Variants in MED15 observed in about 807,000 individuals in gnomAD.
MED15 encodes mediator complex subunit 15, also known as mediator of RNA polymerase II transcription subunit 15.
MED15 carries 41 observed loss-of-function variants against 118.7 expected under a neutral mutation model. That is an observed-to-expected ratio of 0.35 (90% CI 0.27 to 0.45). The LOEUF is 0.45. MED15 is among the 20% of genes least tolerant of loss of function. MED15 has a pLI of 1.00. For missense variants in MED15, 740 were observed against 1,025.5 expected (o/e 0.72, Z 3.80); for synonymous variants, 436 against 413.9 (o/e 1.05, Z -0.65).
At chr22:20,511,886 C>T (rs1159464500) in intron 1 of MED15, among the ~76,000 whole-genome samples, 1 of 151,598 alleles carries the variant, frequency 6.6e-6, no homozygotes, top group Non-Finnish European at 1.5e-5. Flanking sequence ...TCCAGATGTC[C>T]CACCCTCCCA....
At chr22:20,567,004 G>A (rs532367375) in intron 7 of MED15, among the ~76,000 whole-genome samples, 187 bp downstream of exon 7, 1 of 152,220 alleles carries the variant, frequency 6.6e-6, no homozygotes, top group Non-Finnish European at 1.5e-5. Flanking sequence ...TTTGCATTTT[G>A]TGTTCTGAGA....
chr22:20,526,639 G>T (rs1191140626), intron 1 of MED15, among the ~76,000 whole-genome samples: 1 of 151,944 alleles, frequency 6.6e-6, no homozygotes, highest in Non-Finnish European at 1.5e-5. Flanking sequence ...TTTATTTTCC[G>T]GTTGCCTCTC....
Position 20,529,246 on chromosome 22 carries a change from GTTATTTAT to G in MED15, c.69-7859_69-7852del, listed in dbSNP as rs568787602. Reference sequence around the variant, plus strand: ...CATTTCAACTTGGAGGTTCATATCTGTTATTTATTTATTTATTTAGAGACAGAGTCTCA... The same window carrying G: ...CATTTCAACTTGGAGGTTCATATCTGTTATTTATTTAGAGACAGAGTCTCA... On this transcript the variant is annotated intron_variant, in intron 1 of 17. Transcript: ENST00000263205. 7.4e-4 allele frequency among the ~76,000 whole-genome samples: 112 copies of G among 151,966 alleles called. 1 individual carries two copies. Among genetic ancestry groups the G allele is most frequent in the Non-Finnish European group, 1.4e-3 (94 of 68,008 alleles).
chr22:20,564,107 C>T (rs964918049), intron 5 of MED15, among the ~76,000 whole-genome samples: 2 of 152,086 alleles, frequency 1.3e-5, no homozygotes, highest in Non-Finnish European at 2.9e-5. Flanking sequence ...AGCACATGTT[C>T]GATGCCATTC....
intron 2 of MED15, among the ~76,000 whole-genome samples, chr22:20,541,397 C>T (rs916452388): frequency 6.6e-6 from 1 of 152,144 alleles, no homozygotes; most frequent in South Asian, 2.1e-4. Flanking sequence ...CAAATAAAAA[C>T]CACAATGAGA....
intron 1 of MED15, chr22:20,524,412 G>A (rs2054561135): frequency 6.6e-6 from 1 of 152,180 alleles, no homozygotes; most frequent in South Asian, 2.1e-4. Context: ...TGGAGGACAG[G>A]GAAGGGGCTT....
chr22:20,531,669 C>T (rs950673500), intron 1 of MED15, among the ~76,000 whole-genome samples: 2 of 152,266 alleles, frequency 1.3e-5, no homozygotes, highest in African/African-American at 4.8e-5. Context: ...AAATGCATGA[C>T]AGTACCACTC....
chr22:20,508,866 T>C (rs1029762177), intron 1 of MED15, among the ~76,000 whole-genome samples: 18 of 152,280 alleles, frequency 1.2e-4, no homozygotes, highest in African/African-American at 4.3e-4. Context: ...CGTGTTGTGC[T>C]CGCCACAGAT....
Position 20,566,620 on chromosome 22 carries a change from C to A in MED15, c.844C>A (p.Pro282Thr). The A allele has an allele frequency of 6.2e-7, 1 of 1,614,100 alleles. No homozygotes were observed. Among genetic ancestry groups the A allele is most frequent in the Non-Finnish European group, 8.5e-7 (1 of 1,179,974 alleles). Residue 282 changes from proline (P) to threonine (T), a missense_variant, in exon 7 of 18, where the codon CCC becomes ACC. By Grantham distance (38) the Pro-to-Thr change is conservative. Coordinates refer to ENST00000263205, the MANE Select transcript of MED15 (RefSeq NM_001003891.3). ...ACCGATGCAGCAGCCACAGCCTCCG[C>A]CCTCCCAGGCTCTGCCCCAGCAGCT... ...QPPMQQPQPP[P>T]SQALPQQLQQ...
intron 2 of MED15, among the ~76,000 whole-genome samples, chr22:20,545,557 C>T (rs1337212875): frequency 6.6e-6 from 1 of 151,330 alleles, no homozygotes; most frequent in East Asian, 1.9e-4. Flanking sequence ...GTACCAAAAA[C>T]CATTGAATGG....
chr22:20,570,167 G>A (rs1326382634), intron 8 of MED15, among the ~76,000 whole-genome samples: 3 of 152,132 alleles, frequency 2.0e-5, no homozygotes, highest in Non-Finnish European at 2.9e-5. Context: ...TGGAACTACA[G>A]GCGCGTGCCA....
chr22:20,566,114 A>C (rs375746250), intron 6 of MED15, among the ~76,000 whole-genome samples: 62 of 139,680 alleles, frequency 4.4e-4, no homozygotes, highest in African/African-American at 1.5e-3. Context: ...ATCTCGGCTC[A>C]CTGCAACCTC....
rs2057171627 is a variant in MED15, at chr22:20,587,562, C to CT, written c.*863dup. The stretch of plus-strand genomic sequence containing the variant: ...ACCCTCTGGTGAGAAGAGGTCCCCC[C>CT]TTTTTATGTGCACTACCCCACCATC... On this transcript the variant is annotated 3_prime_UTR_variant, in exon 18 of 18. Transcript: ENST00000263205. 5.1e-6 allele frequency: 2 copies of CT among 392,434 alleles called. No individual in the cohort carries two copies. Among genetic ancestry groups the CT allele is most frequent in the East Asian group, 1.1e-4 (2 of 18,630 alleles). The allele number at this position is 392,434 out of a possible 1,614,324, so 24.3% of individuals were successfully genotyped here. A position where few individuals can be genotyped will look rare whatever the true frequency, so the allele number is the denominator to read the frequency against.
chr22:20,575,745 T>A (rs2056804289), intron 9 of MED15, among the ~76,000 whole-genome samples: 1 of 148,624 alleles, frequency 6.7e-6, no homozygotes, highest in African/African-American at 2.5e-5. Context: ...AATATATATA[T>A]AAATGTATAT....
At chr22:20,532,237 T>G (rs2146421150) in intron 1 of MED15, among the ~76,000 whole-genome samples, 1 of 152,244 alleles carries the variant, frequency 6.6e-6, no homozygotes, top group Middle Eastern at 3.4e-3. Context: ...CTTTGGAGAA[T>G]TAAAGGTGGC....
chr22:20,544,812 C>T (rs1281957153), intron 2 of MED15, among the ~76,000 whole-genome samples: 5 of 152,200 alleles, frequency 3.3e-5, no homozygotes, highest in African/African-American at 1.2e-4. Flanking sequence ...TTGGTCACTG[C>T]TGGTACTCCT....
chr22:20,526,530 C>T (rs960002700), intron 1 of MED15, among the ~76,000 whole-genome samples: 1 of 152,188 alleles, frequency 6.6e-6, no homozygotes, highest in African/African-American at 2.4e-5. Flanking sequence ...CACAGCTGAG[C>T]ATAGTGGTGT....
Position 20,508,241 on chromosome 22 carries a change from A to AC in MED15, c.68+501dup, listed in dbSNP as rs746522579. On this transcript the variant is annotated intron_variant, in intron 1 of 17. Transcript: ENST00000263205. Reference sequence around the variant, plus strand: ...CGGTGGGACGGAGGATCTGAGGGTGACCCCCCGAAGGAATGTGGACTTTGC... The same window carrying AC: ...CGGTGGGACGGAGGATCTGAGGGTGACCCCCCCGAAGGAATGTGGACTTTGC... The AC allele has an allele frequency of 3.2e-5, 41 of 1,271,302 alleles. No individual in the cohort carries two copies. The East Asian group carries it at 1.4e-3, about 44-fold the overall frequency. The allele number at this position is 1,271,302 out of a possible 1,614,324, so 78.8% of individuals were successfully genotyped here. A position where few individuals can be genotyped will look rare whatever the true frequency, so the allele number is the denominator to read the frequency against.
chr22:20,518,763 C>T, intron 1 of MED15: 5 of 388,706 alleles, frequency 1.3e-5, no homozygotes, highest in South Asian at 9.5e-5. Flanking sequence ...TGGTTTTGTC[C>T]ATCAGTGCTG....
Sources: gnomAD v4.1 joint callset for allele counts (sites outside exome capture counted in the v4.1 genomes callset) on GRCh38, gnomAD v4.1.1 for gene constraint, MANE v1.5 for transcripts, NCBI Gene and HGNC (gene_info 2026-07-23, HGNC 2026-07-21) for gene names.